TEX11: variants seen among roughly 807,000 people sequenced by gnomAD.
The protein encoded by TEX11 is testis-expressed protein 11.
Under a neutral mutation model 84.4 loss-of-function variants are expected in TEX11, and 7 were observed. That is an observed-to-expected ratio of 0.08 (90% CI 0.05 to 0.16). The LOEUF (loss-of-function observed/expected upper bound fraction) is 0.16, where lower values mean the gene tolerates loss of function less well. Among genes scored for constraint, TEX11 ranks in the 10% least tolerant of loss-of-function variants. TEX11 has a pLI of 1.00. For synonymous variants in TEX11, 264 were observed against 222.8 expected (o/e 1.18, Z -1.64); for missense variants, 551 against 660.5 (o/e 0.83, Z 1.82).
At chrX:70,650,878 T>A (rs746925392) in intron 17 of TEX11, among the ~76,000 whole-genome samples, 16 of 111,953 alleles carry the variant, frequency 1.4e-4, no homozygotes, top group Non-Finnish European at 2.8e-4. Context: ...CAATTCAACA[T>A]ATATGTGCCC....
intron 16 of TEX11, among the ~76,000 whole-genome samples, chrX:70,651,803 A>T (rs1348702869): frequency 1.8e-5 from 2 of 112,034 alleles, no homozygotes; most frequent in Non-Finnish European, 3.8e-5. Flanking sequence ...ATATTGGATG[A>T]TATATTAATT....
At chrX:70,771,377 A>C (rs1312032834) in intron 9 of TEX11, among the ~76,000 whole-genome samples, 2 of 112,378 alleles carry the variant, frequency 1.8e-5, no homozygotes, top group Admixed American at 1.9e-4. Context: ...GGTTTTATCC[A>C]ACTCTCTTGG....
intron 25 of TEX11, among the ~76,000 whole-genome samples, chrX:70,559,885 T>G (rs929783852): frequency 4.5e-5 from 5 of 111,908 alleles, no homozygotes; most frequent in Non-Finnish European, 9.4e-5. Flanking sequence ...GATTTGACGG[T>G]CACTGCTGGG....
intron 20 of TEX11, among the ~76,000 whole-genome samples, chrX:70,613,464 G>C (rs1456228329): frequency 2.7e-5 from 3 of 111,999 alleles, no homozygotes; most frequent in Non-Finnish European, 5.6e-5. Flanking sequence ...GGAAAACTGG[G>C]CTAAACACAG....
intron 24 of TEX11, among the ~76,000 whole-genome samples, chrX:70,595,862 C>T (rs2088999601): frequency 9.0e-6 from 1 of 110,990 alleles, no homozygotes; most frequent in Non-Finnish European, 1.9e-5. Flanking sequence ...ACAAAGATGA[C>T]CCAACTACAT....
intron 16 of TEX11, among the ~76,000 whole-genome samples, chrX:70,659,727 C>T (rs2089907312): frequency 8.9e-6 from 1 of 112,040 alleles, no homozygotes; most frequent in South Asian, 3.7e-4. Context: ...AAACTGAAAG[C>T]AGGAACTCAA....
intron 15 of TEX11, among the ~76,000 whole-genome samples, chrX:70,673,915 T>G (rs745450283): frequency 1.8e-5 from 2 of 111,941 alleles, no homozygotes; most frequent in Non-Finnish European, 3.8e-5. Context: ...ATTTTTATTT[T>G]AGGTTTAGGG....
At chrX:70,755,586 A>G (rs1368066794) in intron 9 of TEX11, among the ~76,000 whole-genome samples, 1 of 112,211 alleles carries the variant, frequency 8.9e-6, no homozygotes, top group African/African-American at 3.2e-5. Flanking sequence ...GAAGCAGAGA[A>G]AGAGATAAGA....
intron 28 of TEX11, among the ~76,000 whole-genome samples, chrX:70,541,417 G>A (rs2088042285): frequency 9.0e-6 from 1 of 111,317 alleles, no homozygotes; most frequent in South Asian, 3.9e-4. Flanking sequence ...AATGCTCTAT[G>A]TCTTGATTGT....
At chrX:70,786,448 A>G (rs757122672) in intron 9 of TEX11, among the ~76,000 whole-genome samples, 137 of 111,682 alleles carry the variant, frequency 1.2e-3, no homozygotes, top group Non-Finnish European at 2.3e-3. Flanking sequence ...GTGCATGCAC[A>G]TGTACCGTAG....
the TEX11 span, among the ~76,000 whole-genome samples, chrX:70,521,266 T>C: frequency 9.1e-6 from 1 of 110,473 alleles, no homozygotes; most frequent in Non-Finnish European, 1.9e-5. Context: ...TATTTGGCCA[T>C]CTTGGAATGG....
chrX:70,824,097 T>A (rs1008252538), intron 8 of TEX11, among the ~76,000 whole-genome samples: 36 of 111,905 alleles, frequency 3.2e-4, no homozygotes, highest in African/African-American at 1.1e-3. Flanking sequence ...ACCCTTTATC[T>A]CCCACTGAAT....
chrX:70,577,814 G>A (rs1262226853), intron 25 of TEX11, among the ~76,000 whole-genome samples: 1 of 106,632 alleles, frequency 9.4e-6, no homozygotes, highest in African/African-American at 3.4e-5. Context: ...CGCAACCTCC[G>A]CCTCCTGGGT....
chrX:70,889,868 AAAG>A (rs753238931), intron 2 of TEX11, among the ~76,000 whole-genome samples: 1 of 112,125 alleles, frequency 8.9e-6, no homozygotes, highest in East Asian at 2.8e-4. Flanking sequence ...GACAGGAAGG[AAAG>A]AAGGAAGAGA....
At chrX:70,705,664 C>T (rs1466892103) in intron 13 of TEX11, among the ~76,000 whole-genome samples, 1 of 112,086 alleles carries the variant, frequency 8.9e-6, no homozygotes, top group Admixed American at 9.5e-5. Context: ...TGAGCAGACA[C>T]TTCTCAAAAG....
chrX:70,700,789 C>T (rs2090319691), intron 13 of TEX11, among the ~76,000 whole-genome samples: 1 of 112,088 alleles, frequency 8.9e-6, no homozygotes, highest in Non-Finnish European at 1.9e-5. Context: ...ACAAAAAGTT[C>T]TTGAAGGCAA....
rs547403395 is a variant in TEX11 at position 70,678,695 on chromosome X, AACAG to A, written c.1242+105_1242+108del. 3,242 of 592,034 alleles carry A rather than the reference AACAG, an allele frequency of 5.5e-3. 62 individuals carry two copies. The South Asian group carries it at 0.085, about 16-fold the overall frequency. The allele number at this position is 592,034 out of a possible 1,213,427, so 48.8% of individuals were successfully genotyped here. A position where few individuals can be genotyped will look rare whatever the true frequency, so the allele number is the denominator to read the frequency against. On this transcript the variant is annotated intron_variant, in intron 15 of 29. Transcript: ENST00000374333. ...ATATTTAATAAATATATGGTATCTA[AACAG>A]ACAGAGATTATTGAAGTATTTGATG...
At chrX:70,818,929 A>C (rs1231572864) in intron 8 of TEX11, among the ~76,000 whole-genome samples, 1 of 111,580 alleles carries the variant, frequency 9.0e-6, no homozygotes, top group Non-Finnish European at 1.9e-5. Context: ...ATAACAAATA[A>C]AGAGATTGAA....
chrX:70,779,077 A>T (rs1181636291), intron 9 of TEX11, among the ~76,000 whole-genome samples: 1 of 110,886 alleles, frequency 9.0e-6, no homozygotes, highest in Non-Finnish European at 1.9e-5. Context: ...TTAAAAAAAA[A>T]TTTTAAGTAC....
Sources: allele counts gnomAD v4.1 joint callset (sites outside exome capture counted in the v4.1 genomes callset), GRCh38; gene constraint gnomAD v4.1.1; transcripts MANE v1.5; gene names NCBI Gene and HGNC (gene_info 2026-07-23, HGNC 2026-07-21).